The following CNTNAP5 variants were observed in gnomAD, a reference collection of about 807,000 sequenced individuals.
The protein encoded by CNTNAP5 is contactin-associated protein-like 5.
CNTNAP5 carries 72 observed loss-of-function variants against 150.2 expected under a neutral mutation model. The observed-to-expected ratio is 0.48, with a 90% CI of 0.40 to 0.58. The LOEUF (loss-of-function observed/expected upper bound fraction) is 0.58. Ranked by LOEUF, CNTNAP5 falls within the 20% of genes least tolerant of loss-of-function variation. CNTNAP5 has a pLI of 0.00. For synonymous variants in CNTNAP5, 672 were observed against 619.8 expected (o/e 1.08, Z -1.25); for missense variants, 1,636 against 1,626.2 (o/e 1.01, Z -0.10).
At chr2:124,686,173 T>C (rs1002695239) in intron 13 of CNTNAP5, among the ~76,000 whole-genome samples, 1 of 152,112 alleles carries the variant, frequency 6.6e-6, no homozygotes, top group Non-Finnish European at 1.5e-5. Flanking sequence ...TATTTATTAG[T>C]GGCTTACTTT....
chr2:124,599,989 C>T (rs1696946198), intron 11 of CNTNAP5, among the ~76,000 whole-genome samples: 1 of 151,812 alleles, frequency 6.6e-6, no homozygotes, highest in Non-Finnish European at 1.5e-5. Context: ...TTTCTCAGAG[C>T]TTACCTTAGA....
chr2:124,674,511 C>G (rs1553430163), intron 13 of CNTNAP5, among the ~76,000 whole-genome samples: 2 of 83,798 alleles, frequency 2.4e-5, no homozygotes, highest in Admixed American at 2.9e-4. Context: ...CTTTCTTTCT[C>G]TTTCTTTCTT....
intron 3 of CNTNAP5, among the ~76,000 whole-genome samples, chr2:124,395,541 T>C (rs1017540907): frequency 6.6e-6 from 1 of 152,046 alleles, no homozygotes; most frequent in Non-Finnish European, 1.5e-5. Flanking sequence ...AAGGAGTCAG[T>C]AGTTGACATG....
intron 1 of CNTNAP5, among the ~76,000 whole-genome samples, chr2:124,099,709 G>A (rs1573752932): frequency 6.6e-6 from 1 of 152,156 alleles, no homozygotes; most frequent in Non-Finnish European, 1.5e-5. Flanking sequence ...CTTCCAGTGA[G>A]ACCTAAGGGA....
chr2:124,194,165 C>A (rs527776210), intron 1 of CNTNAP5, among the ~76,000 whole-genome samples: 2 of 151,676 alleles, frequency 1.3e-5, no homozygotes, highest in Admixed American at 6.6e-5. Context: ...CACCTCTCAA[C>A]CCCTCCCCCA....
At chr2:124,130,343 G>A (rs898760849) in intron 1 of CNTNAP5, among the ~76,000 whole-genome samples, 1 of 151,842 alleles carries the variant, frequency 6.6e-6, no homozygotes, top group African/African-American at 2.4e-5. Flanking sequence ...GTGCCCTGTT[G>A]CCAAATCTCT....
At chr2:124,560,213 C>T (rs972669673) in intron 10 of CNTNAP5, among the ~76,000 whole-genome samples, 2 of 152,116 alleles carry the variant, frequency 1.3e-5, no homozygotes, top group Admixed American at 6.6e-5. Context: ...GTTTTAAAAA[C>T]ATTTAAAGTG....
At chr2:124,433,143 G>A (rs1459318616) in intron 4 of CNTNAP5, among the ~76,000 whole-genome samples, 3 of 152,098 alleles carry the variant, frequency 2.0e-5, no homozygotes, top group African/African-American at 7.2e-5. Context: ...ACTATTCCAT[G>A]AGTGGTGGCA....
At chr2:124,174,832 T>C (rs1685022429) in intron 1 of CNTNAP5, among the ~76,000 whole-genome samples, 1 of 152,230 alleles carries the variant, frequency 6.6e-6, no homozygotes, top group African/African-American at 2.4e-5. Flanking sequence ...AGTCAATCCA[T>C]GTGGCAAACT....
chr2:124,195,885 G>T (rs116406821), intron 1 of CNTNAP5, among the ~76,000 whole-genome samples: 1 of 152,088 alleles, frequency 6.6e-6, no homozygotes, highest in Non-Finnish European at 1.5e-5. Flanking sequence ...TTTGCTCCTA[G>T]TTTTTTAAGA....
At chr2:124,579,373 G>A (rs1696361891) in intron 11 of CNTNAP5, among the ~76,000 whole-genome samples, 1 of 152,172 alleles carries the variant, frequency 6.6e-6, no homozygotes, top group Admixed American at 6.5e-5. Flanking sequence ...CTTACTTACT[G>A]GATAAACAGA....
chr2:124,207,543 A>T (rs758841692), intron 1 of CNTNAP5, among the ~76,000 whole-genome samples: 1 of 152,232 alleles, frequency 6.6e-6, no homozygotes, highest in Non-Finnish European at 1.5e-5. Context: ...TTGCAATGAC[A>T]TTAAAGTTAA....
At chr2:124,526,160 G>A (rs1017549563) in intron 9 of CNTNAP5, among the ~76,000 whole-genome samples, 7 of 152,168 alleles carry the variant, frequency 4.6e-5, no homozygotes, top group East Asian at 1.9e-4. Flanking sequence ...TTGAAGAAGC[G>A]TTCTTAGAGG....
Position 124,377,285 on chromosome 2 carries a change from A to G in CNTNAP5, c.382-40158A>G, listed in dbSNP as rs77075758. Among the ~76,000 whole-genome samples, 747 of 152,248 alleles carry G rather than the reference A, an allele frequency of 4.9e-3. 13 individuals are homozygous for G. Among genetic ancestry groups the G allele is most frequent in the African/African-American group, 0.017 (699 of 41,558 alleles). On this transcript the variant is annotated intron_variant, in intron 3 of 23. Transcript: ENST00000682447. ...TATTCTTCAAAAAAGGTCTCTTCCC[A>G]TGTATTTAAAGGTTAGCTAATGGGT...
At chr2:124,457,654 A>T (rs374904639) in intron 6 of CNTNAP5, among the ~76,000 whole-genome samples, 8 of 152,240 alleles carry the variant, frequency 5.3e-5, no homozygotes, top group East Asian at 3.9e-4. Flanking sequence ...CATCACGAAG[A>T]TATTAAGCCC....
rs556286504 is a variant in CNTNAP5 at position 124,711,897 on chromosome 2, C to T, written c.2078-35332C>T. Reference sequence around the variant, plus strand: ...ACAGTTCTAGTATTGTTTAATTCAGCACCTCATCACAGATAAGTAATTTCT... The same window carrying T: ...ACAGTTCTAGTATTGTTTAATTCAGTACCTCATCACAGATAAGTAATTTCT... On this transcript the variant is annotated intron_variant, in intron 13 of 23. Coordinates refer to ENST00000682447, the MANE Select transcript of CNTNAP5 (RefSeq NM_001367498.1). Among the ~76,000 whole-genome samples, 50 of 152,262 alleles carry T rather than the reference C, an allele frequency of 3.3e-4. 1 individual carries two copies. In the South Asian group the frequency reaches 9.8e-3, roughly 30 times the overall value.
intron 11 of CNTNAP5, among the ~76,000 whole-genome samples, chr2:124,580,805 ATT>A: frequency 6.6e-6 from 1 of 152,338 alleles, no homozygotes; most frequent in African/African-American, 2.4e-5. Context: ...ATATGGAGTG[ATT>A]TGCATGACAG....
intron 11 of CNTNAP5, among the ~76,000 whole-genome samples, chr2:124,590,243 T>C (rs985748718): frequency 2.6e-5 from 4 of 152,176 alleles, no homozygotes; most frequent in African/African-American, 4.8e-5. Flanking sequence ...GACAGCGAAC[T>C]AAGACAATCC....
chr2:124,048,471 T>C (rs530755813), intron 1 of CNTNAP5, among the ~76,000 whole-genome samples: 9 of 152,360 alleles, frequency 5.9e-5, no homozygotes, highest in African/African-American at 2.2e-4. Flanking sequence ...TATTACCTGA[T>C]AACATTTTGT....
Sources: allele counts gnomAD v4.1 joint callset (sites outside exome capture counted in the v4.1 genomes callset), GRCh38; gene constraint gnomAD v4.1.1; transcripts MANE v1.5; gene names NCBI Gene and HGNC (gene_info 2026-07-23, HGNC 2026-07-21).